Variants in SLC39A11 observed in about 807,000 individuals in gnomAD.
SLC39A11 encodes the protein zinc transporter ZIP11.
A neutral mutation model predicts 36.1 loss-of-function variants in SLC39A11; 33 were observed. The ratio of observed to expected loss-of-function variants is 0.91; its 90% confidence interval spans 0.69 to 1.22. The LOEUF is 1.22. Among genes scored for constraint, SLC39A11 ranks in the 50% most tolerant of loss-of-function variants. The pLI, the probability that SLC39A11 is intolerant of heterozygous loss-of-function variation, is 0.00. For missense variants in SLC39A11, 432 were observed against 430.3 expected (o/e 1.00, Z -0.03); for synonymous variants, 166 against 170.3 (o/e 0.97, Z 0.20).
chr17:72,691,051 A>G (rs1567950620), intron 7 of SLC39A11, among the ~76,000 whole-genome samples: 1 of 152,180 alleles, frequency 6.6e-6, no homozygotes, highest in South Asian at 2.1e-4. Flanking sequence ...TCAAAGGCTT[A>G]GCTCAAAGGA....
intron 3 of SLC39A11, among the ~76,000 whole-genome samples, chr17:73,056,132 G>T (rs1042102548): frequency 1.3e-5 from 2 of 151,970 alleles, no homozygotes; most frequent in Admixed American, 1.3e-4. Context: ...GAGCCCCGAG[G>T]GTGGTGAATG....
At chr17:72,797,943 A>G (rs149802758) in intron 6 of SLC39A11, among the ~76,000 whole-genome samples, 30 of 152,244 alleles carry the variant, frequency 2.0e-4, no homozygotes, top group African/African-American at 6.5e-4. Flanking sequence ...CAGGGAGGCT[A>G]TGTCTTGCTC....
At position 72,859,601 on chromosome 17, in the gene SLC39A11, T is replaced by C. The variant is rs191460995; in HGVS notation, c.431-9797A>G. ...GTTCTATGGAGTTGAGCAAGCTGAC[T>C]GCACTCTACCCTGAGAGCAGCCACA... is the stretch of plus-strand genomic sequence containing the variant. On this transcript the variant is annotated intron_variant, in intron 5 of 9. Transcript: ENST00000255559. 9.3e-5 allele frequency among the ~76,000 whole-genome samples: 14 copies of C among 151,330 alleles called. No individual in the cohort carries two copies. The East Asian group carries it at 2.8e-3, about 30-fold the overall frequency.
At chr17:72,732,124 C>A (rs1167926171) in intron 7 of SLC39A11, among the ~76,000 whole-genome samples, 1 of 129,624 alleles carries the variant, frequency 7.7e-6, no homozygotes, top group African/African-American at 2.9e-5. Flanking sequence ...CCTCAGCTCA[C>A]TGTAACCTCA....
chr17:72,674,164 C>T (rs910900789), intron 7 of SLC39A11, among the ~76,000 whole-genome samples: 6 of 152,266 alleles, frequency 3.9e-5, no homozygotes, highest in African/African-American at 1.4e-4. Flanking sequence ...CCCTCCCTTG[C>T]CACATACCCT....
chr17:72,656,579 T>C (rs927238889), intron 7 of SLC39A11, among the ~76,000 whole-genome samples: 11 of 140,432 alleles, frequency 7.8e-5, no homozygotes, highest in African/African-American at 2.2e-4. Flanking sequence ...GGGAGGAGGA[T>C]GACTCCTGGG....
intron 6 of SLC39A11, among the ~76,000 whole-genome samples, chr17:72,740,356 C>T (rs774601898): frequency 2.0e-5 from 3 of 151,994 alleles, no homozygotes; most frequent in African/African-American, 4.8e-5. Flanking sequence ...TAAGCCACCG[C>T]GCCCGGCCAG....
chr17:72,724,151 A>G (rs1339314837), intron 7 of SLC39A11, among the ~76,000 whole-genome samples: 1 of 151,842 alleles, frequency 6.6e-6, no homozygotes. Context: ...CTTGAAAAGC[A>G]TTATCATAAA....
chr17:72,746,534 A>C (rs2074943950), intron 6 of SLC39A11, among the ~76,000 whole-genome samples: 2 of 152,126 alleles, frequency 1.3e-5, no homozygotes, highest in South Asian at 4.1e-4. Flanking sequence ...GTGGATCATG[A>C]GGTCAGGAGA....
At chr17:72,967,031 G>A (rs1337153118) in intron 4 of SLC39A11, among the ~76,000 whole-genome samples, 1 of 152,152 alleles carries the variant, frequency 6.6e-6, no homozygotes, top group Middle Eastern at 3.2e-3. Flanking sequence ...AGAATCTAAT[G>A]CCTGATGATC....
intron 6 of SLC39A11, among the ~76,000 whole-genome samples, chr17:72,799,286 G>A (rs140159748): frequency 6.6e-6 from 1 of 151,952 alleles, no homozygotes; most frequent in African/African-American, 2.4e-5. Flanking sequence ...TGTCACCTCG[G>A]GACCACTGTG....
At position 72,740,292 on chromosome 17, in the gene SLC39A11, C is replaced by T. The variant is rs984504523; in HGVS notation, c.602-3573G>A. Among the ~76,000 whole-genome samples the T allele has an allele frequency of 4.6e-5, 7 of 152,028 alleles. No individual in the cohort carries two copies. In the East Asian group the frequency reaches 9.7e-4, roughly 21 times the overall value. On this transcript the variant is annotated intron_variant, in intron 6 of 9. Transcript: ENST00000255559. ...GTGTTAGCCAGGATGGTCTTGATCT[C>T]CTGACCTCGTGATCTGCCCACCTCA...
chr17:72,718,977 G>A (rs1437442483), intron 7 of SLC39A11, among the ~76,000 whole-genome samples: 1 of 151,916 alleles, frequency 6.6e-6, no homozygotes. Context: ...AGTGGCTCAC[G>A]CCTGCAATCC....
chr17:72,875,003 A>G (rs988225752), intron 5 of SLC39A11, among the ~76,000 whole-genome samples: 7 of 152,254 alleles, frequency 4.6e-5, no homozygotes, highest in Non-Finnish European at 2.9e-5. Flanking sequence ...GGGAGAGACC[A>G]GAACCAAAAA....
chr17:72,892,994 A>G (rs1411812020), intron 5 of SLC39A11, among the ~76,000 whole-genome samples: 4 of 152,198 alleles, frequency 2.6e-5, no homozygotes, highest in African/African-American at 9.6e-5. Flanking sequence ...GGTCTTCGTA[A>G]TGATAGCTAT....
intron 5 of SLC39A11, among the ~76,000 whole-genome samples, chr17:72,933,614 G>C (rs2084560857): frequency 6.6e-6 from 1 of 152,062 alleles, no homozygotes; most frequent in African/African-American, 2.4e-5. Flanking sequence ...CCGCCTCCCG[G>C]GTTCAAGCGA....
intron 3 of SLC39A11, among the ~76,000 whole-genome samples, chr17:73,058,053 A>G (rs564072401): frequency 6.6e-6 from 1 of 151,336 alleles, no homozygotes; most frequent in Admixed American, 6.6e-5. Context: ...TTCTGTGGGA[A>G]AAGTCTCCAT....
At chr17:72,886,556 T>C (rs1390989580) in intron 5 of SLC39A11, among the ~76,000 whole-genome samples, 3 of 152,120 alleles carry the variant, frequency 2.0e-5, no homozygotes, top group Non-Finnish European at 2.9e-5. Flanking sequence ...AAACGCATCC[T>C]CCAAACTGCT....
At chr17:72,951,517 A>G (rs1039107437) in intron 4 of SLC39A11, among the ~76,000 whole-genome samples, 1 of 152,168 alleles carries the variant, frequency 6.6e-6, no homozygotes, top group African/African-American at 2.4e-5. Context: ...GGCAATTCAA[A>G]AAAGCCAAGT....
Sources: gnomAD v4.1 joint callset for allele counts (sites outside exome capture counted in the v4.1 genomes callset) on GRCh38, gnomAD v4.1.1 for gene constraint, MANE v1.5 for transcripts, NCBI Gene and HGNC (gene_info 2026-07-23, HGNC 2026-07-21) for gene names.